PCDHA12: variants seen among roughly 807,000 people sequenced by gnomAD.
PCDHA12 encodes the protein protocadherin alpha-12.
A neutral mutation model predicts 60.0 loss-of-function variants in PCDHA12; 44 were observed. That is an observed-to-expected ratio of 0.73 (90% CI 0.58 to 0.94). The LOEUF (loss-of-function observed/expected upper bound fraction) is 0.94. PCDHA12 is among the 40% of genes least tolerant of loss of function. PCDHA12 has a pLI of 0.00. For missense variants in PCDHA12, 1,276 were observed against 1,239.7 expected (o/e 1.03, Z -0.44); for synonymous variants, 569 against 553.0 (o/e 1.03, Z -0.40).
At chr5:140,983,822 T>C (rs1453990514) in intron 3 of PCDHA12, among the ~76,000 whole-genome samples, 2 of 152,216 alleles carry the variant, frequency 1.3e-5, no homozygotes, top group Non-Finnish European at 2.9e-5. Flanking sequence ...TTCCCAAAAA[T>C]AATCAGATGC....
chr5:140,914,076 T>C (rs2076593853), intron 1 of PCDHA12, among the ~76,000 whole-genome samples: 1 of 152,218 alleles, frequency 6.6e-6, no homozygotes, highest in Non-Finnish European at 1.5e-5. Context: ...TCCATAACTA[T>C]CTATTAGGTC....
chr5:140,972,080 AAG>A (rs1446545098), intron 1 of PCDHA12, among the ~76,000 whole-genome samples: 8 of 152,208 alleles, frequency 5.3e-5, no homozygotes, highest in African/African-American at 1.9e-4. Flanking sequence ...CTTTTGGAAA[AAG>A]AGTAATTTCT....
At chr5:140,967,547 A>G (rs1554229662) in intron 1 of PCDHA12, 1 of 1,613,890 alleles carries the variant, frequency 6.2e-7, no homozygotes, top group Non-Finnish European at 8.5e-7. Context: ...TGACCAGTCC[A>G]CTTATCGCGT....
intron 1 of PCDHA12, among the ~76,000 whole-genome samples, chr5:140,976,934 C>T (rs995021593): frequency 1.3e-5 from 2 of 152,170 alleles, no homozygotes; most frequent in African/African-American, 2.4e-5. Context: ...TGTGTAGCTA[C>T]TTAAAACATA....
intron 1 of PCDHA12, chr5:140,882,290 G>A: frequency 6.2e-7 from 1 of 1,613,532 alleles, no homozygotes; most frequent in Non-Finnish European, 8.5e-7. Flanking sequence ...CTGGCAAGGA[G>A]GCCCAAGACC....
chr5:140,967,018 G>T, intron 1 of PCDHA12: 1 of 1,607,168 alleles, frequency 6.2e-7, no homozygotes, highest in Non-Finnish European at 8.5e-7. Context: ...ATCTGGGTGC[G>T]CCCAGTCCGC....
At chr5:140,980,494 A>T (rs868915196) in intron 2 of PCDHA12, among the ~76,000 whole-genome samples, 1 of 152,106 alleles carries the variant, frequency 6.6e-6, no homozygotes, top group African/African-American at 2.4e-5. Context: ...GCTGGGCGTG[A>T]TGGCATGTGC....
At chr5:140,902,313 C>T (rs2069368502) in intron 1 of PCDHA12, among the ~76,000 whole-genome samples, 1 of 150,820 alleles carries the variant, frequency 6.6e-6, no homozygotes, top group African/African-American at 2.4e-5. Context: ...GCTGGGATTA[C>T]AGGTGTAACT....
intron 1 of PCDHA12, among the ~76,000 whole-genome samples, chr5:140,974,062 G>T (rs1014435483): frequency 2.0e-5 from 3 of 152,222 alleles, no homozygotes; most frequent in Non-Finnish European, 4.4e-5. Context: ...ATTTGGAGCA[G>T]TATAATCTAT....
At chr5:140,928,321 A>G (rs1296238254) in intron 1 of PCDHA12, 1 of 1,614,162 alleles carries the variant, frequency 6.2e-7, no homozygotes, top group Non-Finnish European at 8.5e-7. Context: ...CCTGGGGAAG[A>G]ATGGCCTTGT....
intron 1 of PCDHA12, among the ~76,000 whole-genome samples, chr5:140,903,136 A>C (rs1554190778): frequency 6.6e-6 from 1 of 152,212 alleles, no homozygotes; most frequent in Non-Finnish European, 1.5e-5. Flanking sequence ...AGAAATCTCC[A>C]AACTGTTTTC....
At chr5:141,007,677 T>C (rs2098339934) in intron 3 of PCDHA12, among the ~76,000 whole-genome samples, 1 of 152,158 alleles carries the variant, frequency 6.6e-6, no homozygotes, top group South Asian at 2.1e-4. Flanking sequence ...AGACAAAAGT[T>C]ATCCTACTTC....
intron 1 of PCDHA12, chr5:140,968,109 A>G (rs2096220086): frequency 6.2e-7 from 1 of 1,614,046 alleles, no homozygotes; most frequent in African/African-American, 1.3e-5. Context: ...GGAATACCGC[A>G]GCTCACATCC....
At chr5:140,923,752 G>A (rs1004241488) in intron 1 of PCDHA12, among the ~76,000 whole-genome samples, 1 of 152,186 alleles carries the variant, frequency 6.6e-6, no homozygotes, top group Non-Finnish European at 1.5e-5. Context: ...GAGGCATATG[G>A]TGGGACAAAT....
At chr5:140,912,220 C>T (rs1360868463) in intron 1 of PCDHA12, among the ~76,000 whole-genome samples, 1 of 151,800 alleles carries the variant, frequency 6.6e-6, no homozygotes, top group African/African-American at 2.4e-5. Flanking sequence ...ATCTGCCTTT[C>T]CCAGTCCACT....
Position 140,929,060 on chromosome 5 carries a change from A to G in PCDHA12, c.2368-49889A>G, listed in dbSNP as rs782222884. 3 of 1,614,188 alleles carry G rather than the reference A, an allele frequency of 1.9e-6. No individual in the cohort carries two copies. In the South Asian group the frequency reaches 3.3e-5, roughly 18 times the overall value. On this transcript the variant is annotated intron_variant, in intron 1 of 3. Transcript: ENST00000398631. ...GCTCAGAGCTGCTGTCGCTCTACAGAGGATCTGAGGTATGGAAGTAAGATG... is the reference window on the plus strand; with the variant it reads ...GCTCAGAGCTGCTGTCGCTCTACAGGGGATCTGAGGTATGGAAGTAAGATG...
chr5:140,887,361 G>T (rs2061424710), intron 1 of PCDHA12, among the ~76,000 whole-genome samples: 1 of 152,144 alleles, frequency 6.6e-6, no homozygotes, highest in South Asian at 2.1e-4. Flanking sequence ...CTCCCAAAGT[G>T]CTGGGATTAC....
At chr5:140,922,092 C>G (rs188826380) in intron 1 of PCDHA12, among the ~76,000 whole-genome samples, 2 of 152,184 alleles carry the variant, frequency 1.3e-5, no homozygotes. Context: ...GGTATTTCTA[C>G]CAACTATAGA....
chr5:140,893,778 A>G (rs1017243223), intron 1 of PCDHA12, among the ~76,000 whole-genome samples: 2 of 151,936 alleles, frequency 1.3e-5, no homozygotes, highest in South Asian at 4.2e-4. Flanking sequence ...CTTTTCTTTT[A>G]CCGTTTTTAG....
Sources: allele counts gnomAD v4.1 joint callset (sites outside exome capture counted in the v4.1 genomes callset), GRCh38; gene constraint gnomAD v4.1.1; transcripts MANE v1.5; gene names NCBI Gene and HGNC (gene_info 2026-07-23, HGNC 2026-07-21).